The following WDHD1 variants were observed in gnomAD, a reference collection of about 807,000 sequenced individuals.
WDHD1 encodes WD repeat and HMG-box DNA-binding protein 1.
Under a neutral mutation model 135.4 loss-of-function variants are expected in WDHD1, and 111 were observed. That is an observed-to-expected ratio of 0.82 (90% CI 0.70 to 0.96). The LOEUF (loss-of-function observed/expected upper bound fraction) is 0.96, where lower values mean the gene tolerates loss of function less well. Among genes scored for constraint, WDHD1 ranks in the 40% least tolerant of loss-of-function variants. The probability of loss-of-function intolerance (pLI) is 0.00; values close to 1 mark genes in which losing one functional copy is unlikely to be tolerated. For synonymous variants in WDHD1, 434 were observed against 439.0 expected (o/e 0.99, Z 0.14); for missense variants, 1,351 against 1,336.3 (o/e 1.01, Z -0.17).
At chr14:54,988,250 G>A (rs1175518915) in intron 13 of WDHD1, among the ~76,000 whole-genome samples, 2 of 151,032 alleles carry the variant, frequency 1.3e-5, no homozygotes, top group Non-Finnish European at 2.9e-5. Context: ...TTCCTTTCTC[G>A]AAGAGAGATT....
At chr14:54,963,946 T>C (rs935095681) in intron 18 of WDHD1, among the ~76,000 whole-genome samples, 2 of 148,568 alleles carry the variant, frequency 1.3e-5, no homozygotes, top group African/African-American at 5.0e-5. Context: ...ACCCTATAAC[T>C]ACAAAAAATA....
chr14:55,005,404 T>A, intron 7 of WDHD1: 1 of 569,250 alleles, frequency 1.8e-6, no homozygotes, highest in Admixed American at 1.9e-5. Flanking sequence ...CTGGAGTGAC[T>A]CCAGTGGCAG....
chr14:54,957,298 T>C (rs2041176491), intron 22 of WDHD1, 94 bp from the exon 23 acceptor site: 1 of 1,330,422 alleles, frequency 7.5e-7, no homozygotes, highest in Non-Finnish European at 1.0e-6. Context: ...GTTAAGTTTG[T>C]ATTGCCATCT....
chr14:54,971,346 G>T (rs934879738), intron 16 of WDHD1, among the ~76,000 whole-genome samples: 4 of 152,124 alleles, frequency 2.6e-5, no homozygotes, highest in African/African-American at 9.7e-5. Context: ...GGAGGCCAAG[G>T]CAGGAGGATT....
At chr14:55,009,521 T>C (rs992029958) in intron 4 of WDHD1, among the ~76,000 whole-genome samples, 1 of 151,484 alleles carries the variant, frequency 6.6e-6, no homozygotes, top group African/African-American at 2.4e-5. Context: ...AACCTCTGTC[T>C]CCCGGGTTCA....
intron 10 of WDHD1, among the ~76,000 whole-genome samples, chr14:54,998,409 C>T (rs568137574): frequency 4.6e-5 from 7 of 152,122 alleles, no homozygotes; most frequent in East Asian, 1.9e-4. Flanking sequence ...GGATTACAGC[C>T]GTGAGCCACC....
intron 16 of WDHD1, among the ~76,000 whole-genome samples, chr14:54,975,724 G>A (rs546406034): frequency 3.3e-5 from 5 of 150,048 alleles, no homozygotes; most frequent in Admixed American, 3.3e-4. Context: ...AAAGAGACGG[G>A]GTTTTGCTGT....
chr14:54,943,634 G>A (rs886272521), intron 25 of WDHD1, among the ~76,000 whole-genome samples: 1 of 152,192 alleles, frequency 6.6e-6, no homozygotes, highest in African/African-American at 2.4e-5. Context: ...CTGGGCTCAA[G>A]AGATCCTCCT....
intron 18 of WDHD1, among the ~76,000 whole-genome samples, chr14:54,965,605 G>A (rs1428571444): frequency 6.6e-6 from 1 of 152,160 alleles, no homozygotes; most frequent in African/African-American, 2.4e-5. Flanking sequence ...AAAGCAAAAG[G>A]GAAGTAGCCC....
intron 7 of WDHD1, among the ~76,000 whole-genome samples, chr14:55,003,873 A>G (rs575645684): frequency 6.6e-6 from 1 of 152,204 alleles, no homozygotes; most frequent in East Asian, 1.9e-4. Context: ...TACCAACTGT[A>G]TATTTTTTAT....
chr14:55,007,750 T>G (rs2042096694), intron 6 of WDHD1, among the ~76,000 whole-genome samples: 1 of 152,166 alleles, frequency 6.6e-6, no homozygotes, highest in African/African-American at 2.4e-5. Flanking sequence ...AGCTCAAGAA[T>G]GAAGGGAAGG....
chr14:55,005,401 G>T, intron 7 of WDHD1: 2 of 568,842 alleles, frequency 3.5e-6, no homozygotes, highest in South Asian at 1.4e-5. Context: ...CAACTGGAGT[G>T]ACTCCAGTGG....
intron 24 of WDHD1, among the ~76,000 whole-genome samples, chr14:54,952,612 T>C (rs2041078233): frequency 6.6e-6 from 1 of 152,218 alleles, no homozygotes; most frequent in African/African-American, 2.4e-5. Flanking sequence ...AAGCTATCAA[T>C]GACTTTCTTC....
In WDHD1 at chr14:54,981,523, T is replaced by C; in HGVS notation, c.2063+17A>G. On this transcript the variant is annotated intron_variant, in intron 16 of 25. Coordinates refer to ENST00000360586, the MANE Select transcript of WDHD1 (RefSeq NM_007086.4). ...TTTTTAAAAAGAGTCAACTTTAGAC[T>C]TCTTTTAATAGCCCACCTTAGTTGC... 1 of 1,606,844 alleles carries C rather than the reference T, an allele frequency of 6.2e-7. No homozygotes were observed. Among genetic ancestry groups the C allele is most frequent in the Non-Finnish European group, 8.5e-7 (1 of 1,177,732 alleles).
At chr14:54,982,075 C>T (rs8021370) in intron 15 of WDHD1, among the ~76,000 whole-genome samples, 42,573 of 151,438 alleles carry the variant, frequency 0.28, 6,055 homozygotes, top group Non-Finnish European at 0.3. Context: ...GGCGCGATCT[C>T]GGCCCACTGC....
chr14:54,942,557 C>T (rs926516289), intron 25 of WDHD1, among the ~76,000 whole-genome samples: 5 of 152,126 alleles, frequency 3.3e-5, no homozygotes, highest in African/African-American at 9.7e-5. Context: ...GCCCCAACTC[C>T]GACTCCAACC....
intron 21 of WDHD1, 61 bp from the exon 22 acceptor site, chr14:54,957,696 A>G: frequency 8.1e-6 from 11 of 1,358,688 alleles, no homozygotes; most frequent in South Asian, 7.6e-5. Context: ...TCTGACATCT[A>G]TAATACTAGA....
intron 21 of WDHD1, among the ~76,000 whole-genome samples, chr14:54,962,182 T>A (rs1278144821): frequency 1.3e-5 from 2 of 152,188 alleles, no homozygotes; most frequent in Non-Finnish European, 2.9e-5. Flanking sequence ...GCTTCCTCAG[T>A]GATACCCAGA....
chr14:54,963,187 G>A lies in WDHD1; in HGVS notation c.2311-15C>T, dbSNP rs755694523. The A allele has an allele frequency of 1.2e-4, 81 of 692,694 alleles. 1 individual carries two copies. The highest frequency in any genetic ancestry group is 4.7e-4 in the South Asian group (25 of 53,510). 42.9% of individuals were successfully genotyped at this position (692,694 alleles called of 1,614,324 possible). A position where few individuals can be genotyped will look rare whatever the true frequency, so the allele number is the denominator to read the frequency against. On this transcript the variant is annotated splice_polypyrimidine_tract_variant and intron_variant, in intron 18 of 25. Coordinates refer to ENST00000360586, the MANE Select transcript of WDHD1 (RefSeq NM_007086.4). ...TTACAAGAAAGCTAATCCAAAAAGG[G>A]GGGGGGGGGGGAGATCAAATAACAT...
Sources: gnomAD v4.1 joint callset for allele counts (sites outside exome capture counted in the v4.1 genomes callset) on GRCh38, gnomAD v4.1.1 for gene constraint, MANE v1.5 for transcripts, NCBI Gene and HGNC (gene_info 2026-07-23, HGNC 2026-07-21) for gene names.